Variants in ME2 observed in about 807,000 individuals in gnomAD.
ME2 encodes the protein malic enzyme 2, also known as NAD-dependent malic enzyme, mitochondrial.
A neutral mutation model predicts 73.7 loss-of-function variants in ME2; 60 were observed. That is an observed-to-expected ratio of 0.81 (90% CI 0.66 to 1.01). ME2 has a LOEUF of 1.01. Among genes scored for constraint, ME2 ranks in the 50% least tolerant of loss-of-function variants. The probability of loss-of-function intolerance (pLI) is 0.00; values close to 1 mark genes in which losing one functional copy is unlikely to be tolerated. For synonymous variants in ME2, 199 were observed against 236.9 expected (o/e 0.84, Z 1.47); for missense variants, 594 against 705.5 (o/e 0.84, Z 1.79).
intron 2 of ME2, among the ~76,000 whole-genome samples, chr18:50,903,641 G>T (rs1916942218): frequency 6.6e-6 from 1 of 152,046 alleles, no homozygotes; most frequent in Non-Finnish European, 1.5e-5. Flanking sequence ...TAGAGATGAG[G>T]TTTCACCATG....
chr18:50,946,720 G>T (rs1918091851), intron 15 of ME2, among the ~76,000 whole-genome samples: 1 of 152,190 alleles, frequency 6.6e-6, no homozygotes, highest in African/African-American at 2.4e-5. Flanking sequence ...AATAGTCTCT[G>T]TGCCCCTCTA....
rs1568164593 is a variant in ME2 at position 50,908,070 on chromosome 18, CA to C, written c.117del (p.Phe40LeufsTer19). On this transcript the variant is annotated frameshift_variant, in exon 3 of 16. Transcript: ENST00000321341. LOFTEE classifies it high-confidence loss of function. The stretch of plus-strand genomic sequence containing the variant: ...TTTATTTCTCCTCTTTAGGGAATGG[CA>C]TTTACTTTACAAGAACGACAAATGC... ...MLNPRTNKGM[A>X]FTLQERQMLG... 6.4e-7 allele frequency: 1 copy of C among 1,570,100 alleles called. No homozygotes were observed. Among genetic ancestry groups the C allele is most frequent in the Non-Finnish European group, 8.6e-7 (1 of 1,158,844 alleles).
intron 5 of ME2, chr18:50,916,624 CT>C (rs1396015200): frequency 6.5e-6 from 1 of 155,006 alleles, no homozygotes; most frequent in Non-Finnish European, 1.4e-5. Context: ...GCCTTTTTTT[CT>C]TTTAAATCTA....
intron 15 of ME2, among the ~76,000 whole-genome samples, chr18:50,941,443 G>C (rs530153531): frequency 8.1e-5 from 10 of 124,064 alleles, no homozygotes; most frequent in African/African-American, 1.2e-4. Flanking sequence ...CTCAGCTCAC[G>C]GCTCACTGCA....
rs911021278 is a variant in ME2, at chr18:50,912,669, G to T, written c.243-132G>T. The T allele has an allele frequency of 8.4e-6, 6 of 717,500 alleles. No homozygotes were observed. The Admixed American group carries it at 1.8e-4, about 22-fold the overall frequency. The allele number at this position is 717,500 out of a possible 1,614,324, so 44.4% of individuals were successfully genotyped here. The stretch of plus-strand genomic sequence containing the variant: ...TAAATAGTAATAATCTAAGGTTTTG[G>T]GTTTTTTTTAGAATGTGATGTGAGA... On this transcript the variant is annotated intron_variant, in intron 3 of 15. Coordinates refer to ENST00000321341, the MANE Select transcript of ME2 (RefSeq NM_002396.5).
At chr18:50,923,533 C>T (rs566937649) in intron 10 of ME2, among the ~76,000 whole-genome samples, 28 of 151,988 alleles carry the variant, frequency 1.8e-4, no homozygotes, top group South Asian at 2.1e-4. Context: ...CTGAGGTGGA[C>T]GGATCACTTG....
rs190877059 is a variant in ME2 at position 50,920,794 on chromosome 18, C to T, written c.942+36C>T. The T allele has an allele frequency of 3.4e-4, 499 of 1,454,472 alleles. 5 individuals are homozygous for T. The East Asian group carries it at 0.01, about 30-fold the overall frequency. The allele number at this position is 1,454,472 out of a possible 1,614,324, so 90.1% of individuals were successfully genotyped here. ...AAGGCTTTTTGAAACTTAAGCCTAT[C>T]CTCTCTTATAGAATTAGAAAATGGG... On this transcript the variant is annotated intron_variant, in intron 9 of 15. Coordinates refer to ENST00000321341, the MANE Select transcript of ME2 (RefSeq NM_002396.5).
At chr18:50,928,960 C>G (rs1917627247) in intron 12 of ME2, among the ~76,000 whole-genome samples, 1 of 152,010 alleles carries the variant, frequency 6.6e-6, no homozygotes, top group Admixed American at 6.5e-5. Context: ...TCTTGGAAAC[C>G]TCTCTTCCCC....
At chr18:50,908,675 C>G (rs531752241) in intron 3 of ME2, among the ~76,000 whole-genome samples, 67 of 152,294 alleles carry the variant, frequency 4.4e-4, no homozygotes, top group African/African-American at 1.6e-3. Flanking sequence ...GAGTCTCGCT[C>G]TGTTGCCCAG....
rs774983052 is a variant in ME2, at chr18:50,920,730, A to G, written c.914A>G (p.His305Arg). The G allele has an allele frequency of 1.9e-6, 3 of 1,611,856 alleles. No homozygotes were observed. Among genetic ancestry groups the G allele is most frequent in the Non-Finnish European group, 2.5e-6 (3 of 1,179,772 alleles). ...GTTATTAGTAAACCAATCTCCGAACACAAAATCTTATTCCTTGGAGCAGGA... is the reference window on the plus strand; with the variant it reads ...GTTATTAGTAAACCAATCTCCGAACGCAAAATCTTATTCCTTGGAGCAGGA... The part of the protein sequence containing the change: ...QKVISKPISE[H>R]KILFLGAGEA... Residue 305 changes from histidine to arginine, a missense_variant, in exon 9 of 16, where the codon CAC becomes CGC. By Grantham distance (29) the His-to-Arg change is conservative. Coordinates refer to ENST00000321341, the MANE Select transcript of ME2 (RefSeq NM_002396.5).
At position 50,917,636 on chromosome 18, in the gene ME2, C is replaced by T. The variant is rs1470238576; in HGVS notation, c.630+128C>T. 3 of 529,548 alleles carry T rather than the reference C, an allele frequency of 5.7e-6. No homozygotes were observed. The African/African-American group carries it at 6.0e-5, about 11-fold the overall frequency. 32.8% of individuals were successfully genotyped at this position (529,548 alleles called of 1,614,324 possible). A position where few individuals can be genotyped will look rare whatever the true frequency, so the allele number is the denominator to read the frequency against. On this transcript the variant is annotated intron_variant, in intron 6 of 15. Transcript: ENST00000321341. ...GATTAGATTTTTTTTTCTTAAACTCCACTTTTAATATTTATATAAATAATA... is the reference window on the plus strand; with the variant it reads ...GATTAGATTTTTTTTTCTTAAACTCTACTTTTAATATTTATATAAATAATA...
chr18:50,920,569 A>G lies in ME2; in HGVS notation c.844+4A>G, dbSNP rs188927164. On this transcript the variant is annotated splice_donor_region_variant and intron_variant, in intron 8 of 15. Coordinates refer to ENST00000321341, the MANE Select transcript of ME2 (RefSeq NM_002396.5). ...ACTTTCAATGATGATATTCAAGGTA[A>G]AGCAAAAAAACTTCAGGGTTTTGAT... The G allele has an allele frequency of 6.3e-7, 1 of 1,579,330 alleles. No individual in the cohort carries two copies. Among genetic ancestry groups the G allele is most frequent in the Non-Finnish European group, 8.6e-7 (1 of 1,167,432 alleles).
chr18:50,889,903 G>A (rs979102604), intron 1 of ME2, among the ~76,000 whole-genome samples: 23 of 152,060 alleles, frequency 1.5e-4, no homozygotes, highest in Non-Finnish European at 1.6e-4. Context: ...GTTAGTTTAA[G>A]GTCAAAAAGA....
intron 13 of ME2, chr18:50,932,622 C>T (rs1917724656): frequency 3.8e-6 from 1 of 264,254 alleles, no homozygotes; most frequent in African/African-American, 2.3e-5. Flanking sequence ...CAGAATGGCA[C>T]AAAATTATGT....
chr18:50,912,937 TTTAGAAGACC>T lies in ME2; in HGVS notation c.381_390del (p.Phe127LeufsTer30), dbSNP rs1917191823. 6.3e-7 allele frequency: 1 copy of T among 1,597,842 alleles called. No individual in the cohort carries two copies. The highest frequency in any genetic ancestry group is 8.5e-7 in the Non-Finnish European group (1 of 1,175,696). On this transcript the variant is annotated frameshift_variant, in exon 4 of 16. Transcript: ENST00000321341. LOFTEE classifies it high-confidence loss of function. ...TGCCTGCTCCCAGTATGGACACATC[TTTAGAAGACC>T]TAAGTAAGGCTTGTTTAAAAAAAAG...
chr18:50,891,141 C>A (rs1916597452), intron 1 of ME2, among the ~76,000 whole-genome samples: 3 of 152,148 alleles, frequency 2.0e-5, no homozygotes, highest in Admixed American at 2.0e-4. Context: ...GTAAATCTAA[C>A]CAGTAGACCC....
chr18:50,919,075 T>C (rs1249807004), intron 7 of ME2, among the ~76,000 whole-genome samples: 1 of 100,296 alleles, frequency 1.0e-5, no homozygotes. Context: ...ATTTCAGATA[T>C]TCCTCAAATT....
At chr18:50,913,860 T>TATACAC (rs112137080) in intron 4 of ME2, among the ~76,000 whole-genome samples, 67 of 143,284 alleles carry the variant, frequency 4.7e-4, no homozygotes, top group African/African-American at 1.3e-3. Context: ...AGCAATATTA[T>TATACAC]ACACACACAC....
intron 3 of ME2, 134 bp from the exon 4 acceptor site, chr18:50,912,667 T>G (rs1917183910): frequency 1.5e-6 from 1 of 687,018 alleles, no homozygotes; most frequent in African/African-American, 1.8e-5. Context: ...TCTAAGGTTT[T>G]GGGTTTTTTT....
Sources: allele counts gnomAD v4.1 joint callset (sites outside exome capture counted in the v4.1 genomes callset), GRCh38; gene constraint gnomAD v4.1.1; transcripts MANE v1.5; gene names NCBI Gene and HGNC (gene_info 2026-07-23, HGNC 2026-07-21).